Variants in MTR observed in about 807,000 individuals in gnomAD.
MTR encodes the protein 5-methyltetrahydrofolate-homocysteine methyltransferase.
A neutral mutation model predicts 154.8 loss-of-function variants in MTR; 84 were observed. The observed-to-expected ratio is 0.54, with a 90% CI of 0.45 to 0.65. MTR has a LOEUF of 0.65. Among genes scored for constraint, MTR ranks in the 30% least tolerant of loss-of-function variants. The pLI is 0.00. For missense variants in MTR, 1,275 were observed against 1,570.2 expected, an observed-to-expected ratio of 0.81 and a Z score of 3.18; for synonymous variants, 554 against 553.9, an observed-to-expected ratio of 1.00 and a Z score of 0.00.
At chr1:236,805,698 A>G (rs946833829) in intron 2 of MTR, among the ~76,000 whole-genome samples, 9 of 151,782 alleles carry the variant, frequency 5.9e-5, no homozygotes, top group Admixed American at 4.6e-4. Flanking sequence ...GGGTCTTTCT[A>G]TGTTGCACAG....
At chr1:236,893,334 C>T (rs1451796283) in intron 29 of MTR, among the ~76,000 whole-genome samples, 2 of 152,124 alleles carry the variant, frequency 1.3e-5, no homozygotes, top group African/African-American at 2.4e-5. Flanking sequence ...GCTTCCACGG[C>T]GGGCAACGAG....
At chr1:236,892,685 C>T (rs1009093282) in intron 29 of MTR, among the ~76,000 whole-genome samples, 1 of 152,108 alleles carries the variant, frequency 6.6e-6, no homozygotes, top group Non-Finnish European at 1.5e-5. Flanking sequence ...TGCGCCCAGG[C>T]TCGGACGCCA....
intron 3 of MTR, among the ~76,000 whole-genome samples, chr1:236,808,006 T>A (rs1401506044): frequency 6.6e-6 from 1 of 152,176 alleles, no homozygotes; most frequent in Non-Finnish European, 1.5e-5. Flanking sequence ...TTCTGGTTGT[T>A]AAATTCCTGG....
At chr1:236,851,591 C>A (rs1663908388) in intron 16 of MTR, among the ~76,000 whole-genome samples, 1 of 152,196 alleles carries the variant, frequency 6.6e-6, no homozygotes, top group Admixed American at 6.5e-5. Context: ...CTCATAGGAA[C>A]CTAGCCCTGT....
In MTR at chr1:236,873,683, G is replaced by A. The variant is rs112020797; in HGVS notation, c.2406-90G>A. The A allele has an allele frequency of 1.1e-3, 1,157 of 1,040,562 alleles. 15 individuals are homozygous for A. In the African/African-American group the frequency reaches 0.016, roughly 15 times the overall value. 64.5% of individuals were successfully genotyped at this position (1,040,562 alleles called of 1,614,324 possible). A position where few individuals can be genotyped will look rare whatever the true frequency, so the allele number is the denominator to read the frequency against. On this transcript the variant is annotated intron_variant, in intron 22 of 32. Transcript: ENST00000366577. ...CTTGATTCTCGTTTACATTAGAGCAGTATTTAATGGTTGAAATAAAAATGT... is the reference window on the plus strand; with the variant it reads ...CTTGATTCTCGTTTACATTAGAGCAATATTTAATGGTTGAAATAAAAATGT...
intron 4 of MTR, among the ~76,000 whole-genome samples, chr1:236,810,064 T>TA (rs1661210713): frequency 6.6e-6 from 1 of 152,166 alleles, no homozygotes; most frequent in South Asian, 2.1e-4. Flanking sequence ...CAGGGCTTCA[T>TA]AAAAATAGGA....
At chr1:236,850,238 A>G in intron 15 of MTR, 106 bp from the exon 16 acceptor site, 1 of 722,372 alleles carries the variant, frequency 1.4e-6, no homozygotes. Flanking sequence ...AACACTTAAT[A>G]TTTTAATATT....
In MTR at chr1:236,903,217, G is replaced by C. The variant is rs1019387662; in HGVS notation, c.*5573G>C. On this transcript the variant is annotated 3_prime_UTR_variant, in exon 33 of 33. Transcript: ENST00000366577. ...AATGGGATTAGGGGATCAGAGGTGA[G>C]GGAACTCATGGTTTGGCTATTTCTC... 2.0e-5 allele frequency: 3 copies of C among 152,218 alleles called. No individual in the cohort carries two copies. The highest frequency in any genetic ancestry group is 7.2e-5 in the African/African-American group (3 of 41,442). The allele number at this position is 152,218 out of a possible 1,614,324, so 9.4% of individuals were successfully genotyped here. A position where few individuals can be genotyped will look rare whatever the true frequency, so the allele number is the denominator to read the frequency against.
rs1456942328 is a variant in MTR at position 236,803,529 on chromosome 1, C to T, written c.136C>T (p.Leu46=). The change falls in exon 2 of 33, where the codon CTA becomes TTA. Residue 46 remains leucine (L), a synonymous_variant. Coordinates refer to ENST00000366577, the MANE Select transcript of MTR (RefSeq NM_000254.3). Reference sequence around the variant, plus strand: ...GGGGACCATGATCCAGCGGGAGAAGCTAAACGAAGAACACTTCCGAGGTCA... The same window carrying T: ...GGGGACCATGATCCAGCGGGAGAAGTTAAACGAAGAACACTTCCGAGGTCA... ...GMGTMIQREK[L]NEEHFRGQEF... is the part of the protein sequence containing the mutation. The T allele has an allele frequency of 1.2e-6, 2 of 1,614,008 alleles. No homozygotes were observed. Among genetic ancestry groups the T allele is most frequent in the Middle Eastern group, 1.6e-4 (1 of 6,082 alleles).
At position 236,896,619 on chromosome 1, in the gene MTR, A is replaced by G. The variant is rs116671271; in HGVS notation, c.3599-387A>G. 5.6e-3 allele frequency among the ~76,000 whole-genome samples: 851 copies of G among 152,258 alleles called. 11 individuals carry two copies. Among genetic ancestry groups the G allele is most frequent in the African/African-American group, 0.019 (800 of 41,542 alleles). ...GGAGCTCTCAGTCGTCCCTAGTATCAGTGGCCGCACAGAGCCGGTGGAGGC... is the reference window on the plus strand; with the variant it reads ...GGAGCTCTCAGTCGTCCCTAGTATCGGTGGCCGCACAGAGCCGGTGGAGGC... On this transcript the variant is annotated intron_variant, in intron 31 of 32. Coordinates refer to ENST00000366577, the MANE Select transcript of MTR (RefSeq NM_000254.3).
intron 1 of MTR, chr1:236,800,203 AAAT>A: frequency 3.0e-6 from 3 of 985,482 alleles, no homozygotes; most frequent in Non-Finnish European, 3.6e-6. Flanking sequence ...AAGGACATGT[AAAT>A]AATAGGATAT....
chr1:236,821,793 C>G (rs1379603812), intron 8 of MTR, among the ~76,000 whole-genome samples: 2 of 152,178 alleles, frequency 1.3e-5, no homozygotes, highest in Non-Finnish European at 2.9e-5. Context: ...CCCAGTTGTT[C>G]CAGCACCATT....
chr1:236,808,148 C>T (rs1320851517), intron 3 of MTR, among the ~76,000 whole-genome samples: 1 of 152,152 alleles, frequency 6.6e-6, no homozygotes, highest in African/African-American at 2.4e-5. Flanking sequence ...ATAGGCAACA[C>T]TATGTGTGTA....
intron 18 of MTR, among the ~76,000 whole-genome samples, chr1:236,854,879 A>G (rs543414364): frequency 1.1e-4 from 16 of 152,346 alleles, no homozygotes; most frequent in Admixed American, 2.6e-4. Context: ...GCACTGTCAA[A>G]GTGAGGGAAA....
At chr1:236,810,193 A>C (rs933778295) in intron 4 of MTR, among the ~76,000 whole-genome samples, 1 of 152,222 alleles carries the variant, frequency 6.6e-6, no homozygotes, top group Non-Finnish European at 1.5e-5. Flanking sequence ...TGATATGTGT[A>C]TATCTCCTAT....
intron 15 of MTR, among the ~76,000 whole-genome samples, chr1:236,840,060 T>C (rs762251430): frequency 3.3e-5 from 5 of 152,198 alleles, no homozygotes; most frequent in Non-Finnish European, 7.3e-5. Flanking sequence ...ATACTGACAA[T>C]GAACAAGTAG....
At chr1:236,871,509 A>G (rs1346849229) in intron 22 of MTR, among the ~76,000 whole-genome samples, 1 of 133,332 alleles carries the variant, frequency 7.5e-6, no homozygotes, top group Non-Finnish European at 1.7e-5. Context: ...TAAAACATAT[A>G]CAATGTTAAA....
In MTR at chr1:236,795,745, T is replaced by C. The variant is rs1265043788; in HGVS notation, c.34+8T>C. Reference sequence around the variant, plus strand: ...AAGACCTGTCGCAACCCGGTAACGCTGCGACCCCGTCTGCGTGGTTGGGTT... The same window carrying C: ...AAGACCTGTCGCAACCCGGTAACGCCGCGACCCCGTCTGCGTGGTTGGGTT... On this transcript the variant is annotated splice_region_variant and intron_variant, in intron 1 of 32. Coordinates refer to ENST00000366577, the MANE Select transcript of MTR (RefSeq NM_000254.3). 6.2e-7 allele frequency: 1 copy of C among 1,614,176 alleles called. No individual in the cohort carries two copies. The highest frequency in any genetic ancestry group is 8.5e-7 in the Non-Finnish European group (1 of 1,180,022).
At chr1:236,795,811 C>T (rs1660345257) in intron 1 of MTR, 74 bp downstream of exon 1, 2 of 1,608,060 alleles carry the variant, frequency 1.2e-6, no homozygotes, top group Non-Finnish European at 8.5e-7. Context: ...ATCCCTGGGG[C>T]GATTCCCTTC....
Sources: allele counts gnomAD v4.1 joint callset (sites outside exome capture counted in the v4.1 genomes callset), GRCh38; gene constraint gnomAD v4.1.1; transcripts MANE v1.5; gene names NCBI Gene and HGNC (gene_info 2026-07-23, HGNC 2026-07-21).